The following KMT2C variants were observed in gnomAD, a reference collection of about 807,000 sequenced individuals.
The protein encoded by KMT2C is lysine methyltransferase 2C.
In KMT2C, 88 loss-of-function variants were observed where a neutral mutation model predicts 507.9. The observed-to-expected ratio is 0.17, with a 90% CI of 0.15 to 0.21. KMT2C has a LOEUF of 0.21. Ranked by LOEUF, KMT2C falls within the 10% of genes least tolerant of loss-of-function variation. The pLI is 1.00. For synonymous variants in KMT2C, 2,049 were observed against 2,080.8 expected, an observed-to-expected ratio of 0.98 and a Z score of 0.42; for missense variants, 4,954 against 5,957.8, an observed-to-expected ratio of 0.83 and a Z score of 5.55.
rs2089818756 is a variant in KMT2C, at chr7:152,135,661, T to C, written c.*1171A>G. ...AAAACTACTTTTGCTGAAGAAAAAA[T>C]TCAGCCTCCATTTGGGTGTATTTTT... On this transcript the variant is annotated 3_prime_UTR_variant, in exon 59 of 59. Coordinates refer to ENST00000262189, the MANE Select transcript of KMT2C (RefSeq NM_170606.3). 4.4e-6 allele frequency: 1 copy of C among 227,302 alleles called. No homozygotes were observed. The highest frequency in any genetic ancestry group is 8.8e-6 in the Non-Finnish European group (1 of 114,162). The allele number at this position is 227,302 out of a possible 1,614,324, so 14.1% of individuals were successfully genotyped here.
intron 23 of KMT2C, among the ~76,000 whole-genome samples, chr7:152,211,628 G>A (rs1264644598): frequency 1.3e-5 from 2 of 152,230 alleles, no homozygotes; most frequent in Non-Finnish European, 2.9e-5. Context: ...AAGCATACAT[G>A]TTGAGACAAA....
chr7:152,307,315 G>A (rs1294942687), intron 6 of KMT2C, among the ~76,000 whole-genome samples: 2 of 120,744 alleles, frequency 1.7e-5, no homozygotes, highest in African/African-American at 3.3e-5. Flanking sequence ...GGAAGACGAA[G>A]GACAGAAGAG....
Position 152,139,266 on chromosome 7 carries a change from GA to G in KMT2C, c.14461-8del, listed in dbSNP as rs2129089535. 6.2e-7 allele frequency: 1 copy of G among 1,612,716 alleles called. No individual in the cohort carries two copies. The highest frequency in any genetic ancestry group is 8.5e-7 in the Non-Finnish European group (1 of 1,179,816). The stretch of plus-strand genomic sequence containing the variant: ...ACATGTACACACCACGGTTCTGAGG[GA>G]AAAGTCAGTCAGTAAGTCATCAATG... On this transcript the variant is annotated splice_polypyrimidine_tract_variant and splice_region_variant and intron_variant, in intron 56 of 58. Coordinates refer to ENST00000262189, the MANE Select transcript of KMT2C (RefSeq NM_170606.3).
At chr7:152,357,210 G>A (rs867536117) in intron 2 of KMT2C, among the ~76,000 whole-genome samples, 1 of 151,298 alleles carries the variant, frequency 6.6e-6, no homozygotes. Flanking sequence ...CTGGGAGAGA[G>A]AGCAAGACTC....
At chr7:152,217,234 T>C (rs755392740) in intron 23 of KMT2C, among the ~76,000 whole-genome samples, 3 of 152,214 alleles carry the variant, frequency 2.0e-5, no homozygotes, top group South Asian at 2.1e-4. Flanking sequence ...CTTACGATGA[T>C]TGTATTCTTT....
intron 37 of KMT2C, 77 bp downstream of exon 37, chr7:152,179,757 G>A (rs2129117703): frequency 7.2e-7 from 1 of 1,381,580 alleles, no homozygotes; most frequent in East Asian, 2.3e-5. Flanking sequence ...TAGGATTACA[G>A]GCACAAGCCA....
chr7:152,154,073 G>C lies in KMT2C; in HGVS notation c.12213C>G (p.Ser4071=). ...TAAGACCTGATCTGGGACCATTTGG[G>C]GAAGGACCAAAAGGTGACGCAAAAT... is the stretch of plus-strand genomic sequence containing the variant. ...TLYFASPFGP[S]PNGPRSGLIS... Residue 4071 remains serine, a synonymous_variant, in exon 48 of 59, where the codon TCC becomes TCG. Coordinates refer to ENST00000262189, the MANE Select transcript of KMT2C (RefSeq NM_170606.3). The C allele has an allele frequency of 6.2e-7, 1 of 1,613,724 alleles. No homozygotes were observed. The highest frequency in any genetic ancestry group is 8.5e-7 in the Non-Finnish European group (1 of 1,179,672).
In KMT2C at chr7:152,177,355, C is replaced by T. The variant is rs980488323; in HGVS notation, c.8098G>A (p.Asp2700Asn). The T allele has an allele frequency of 6.2e-7, 1 of 1,614,052 alleles. No individual in the cohort carries two copies. Among genetic ancestry groups the T allele is most frequent in the African/African-American group, 1.3e-5 (1 of 74,916 alleles). ...TCAACCCCCTCAAGGTCTTTAACAT[C>T]CAGTTCCTTCACAGAAGGGTCATCA... Reference protein sequence around the residue: ...DSDDPSVKELDVKDLEGVEVK... With the variant: ...DSDDPSVKELNVKDLEGVEVK... The change falls in exon 38 of 59, where the codon GAT becomes AAT. Residue 2700 changes from aspartate to asparagine, a missense_variant. Around this residue, in one of 29 missense-constraint regions of KMT2C, gnomAD observed 1,689 missense variants for 1,654.3 expected, o/e 1.02. Transcript: ENST00000262189.
chr7:152,344,407 T>C (rs1481390758), intron 2 of KMT2C, among the ~76,000 whole-genome samples: 3 of 152,194 alleles, frequency 2.0e-5, no homozygotes, highest in African/African-American at 7.2e-5. Context: ...AAGCACAAGA[T>C]TTCATTATGC....
chr7:152,257,245 A>G (rs2095675746), intron 9 of KMT2C, among the ~76,000 whole-genome samples: 1 of 152,196 alleles, frequency 6.6e-6, no homozygotes, highest in Non-Finnish European at 1.5e-5. Context: ...TATTACACGA[A>G]AAAAGCAACA....
At chr7:152,266,448 T>A (rs2095859638) in intron 7 of KMT2C, among the ~76,000 whole-genome samples, 1 of 152,088 alleles carries the variant, frequency 6.6e-6, no homozygotes, top group South Asian at 2.1e-4. Flanking sequence ...TTTCGCCACA[T>A]TGCCCAGGCT....
chr7:152,348,421 A>T (rs987722850), intron 2 of KMT2C, among the ~76,000 whole-genome samples: 2 of 151,376 alleles, frequency 1.3e-5, no homozygotes, highest in African/African-American at 4.9e-5. Flanking sequence ...ACATGGTGAA[A>T]CCCCGTATCT....
chr7:152,340,346 A>G (rs1437082413), intron 2 of KMT2C, among the ~76,000 whole-genome samples: 1 of 152,042 alleles, frequency 6.6e-6, no homozygotes, highest in Non-Finnish European at 1.5e-5. Flanking sequence ...GAGAATGGCA[A>G]TACTTTTCAT....
chr7:152,372,409 G>C (rs1218670563), intron 1 of KMT2C, among the ~76,000 whole-genome samples: 2 of 152,120 alleles, frequency 1.3e-5, no homozygotes, highest in Non-Finnish European at 2.9e-5. Flanking sequence ...ACCCACCTCA[G>C]CCTCCCAAAG....
Position 152,194,038 on chromosome 7 carries a change from G to A in KMT2C, c.4631C>T (p.Pro1544Leu), listed in dbSNP as rs2129128806. ...QPTPLPQPPP[P>L]TQLLPIHNQD... ...ATTGTGTATTGGCAACAGCTGTGTTGGTGGGGGAGGCTGTGGCAATGGAGT... is the reference window on the plus strand; with the variant it reads ...ATTGTGTATTGGCAACAGCTGTGTTAGTGGGGGAGGCTGTGGCAATGGAGT... The change falls in exon 31 of 59, where the codon CCA becomes CTA. Residue 1544 changes from proline to leucine, a missense_variant. This residue lies in a region of KMT2C where 195 missense variants were observed against 183.7 expected (regional missense o/e 1.06). Coordinates refer to ENST00000262189, the MANE Select transcript of KMT2C (RefSeq NM_170606.3). 1 of 1,583,114 alleles carries A rather than the reference G, an allele frequency of 6.3e-7. No homozygotes were observed. The highest frequency in any genetic ancestry group is 8.5e-7 in the Non-Finnish European group (1 of 1,170,096).
intron 1 of KMT2C, among the ~76,000 whole-genome samples, chr7:152,375,051 T>A (rs1236983220): frequency 6.6e-6 from 1 of 152,200 alleles, no homozygotes; most frequent in African/African-American, 2.4e-5. Flanking sequence ...ATAAGTTGTT[T>A]GTTTGTTTGG....
At chr7:152,361,712 G>GATAAAT (rs1371679833) in intron 1 of KMT2C, among the ~76,000 whole-genome samples, 3 of 151,980 alleles carry the variant, frequency 2.0e-5, no homozygotes, top group African/African-American at 7.2e-5. Flanking sequence ...AACATAAAAA[G>GATAAAT]ATAAATATAA....
chr7:152,252,508 A>G (rs369892942), intron 10 of KMT2C, 38 bp downstream of exon 10: 111 of 1,555,310 alleles, frequency 7.1e-5, no homozygotes, highest in Non-Finnish European at 9.2e-5. Flanking sequence ...GAATAAAACA[A>G]TCGACAAAAC....
chr7:152,378,338 A>C (rs1179170128), intron 1 of KMT2C, among the ~76,000 whole-genome samples: 1 of 152,238 alleles, frequency 6.6e-6, no homozygotes, highest in Non-Finnish European at 1.5e-5. Context: ...GAGGCACCCC[A>C]ACCTTCAGCA....
Sources: allele counts gnomAD v4.1 joint callset (sites outside exome capture counted in the v4.1 genomes callset), GRCh38; gene constraint gnomAD v4.1.1; regional missense constraint gnomAD v4.1.1; transcripts MANE v1.5; gene names NCBI Gene and HGNC (gene_info 2026-07-23, HGNC 2026-07-21).